Variants in RAVER2 observed in about 807,000 individuals in gnomAD.
The protein encoded by RAVER2 is ribonucleoprotein, PTB binding 2.
In RAVER2, 46 loss-of-function variants were observed where a neutral mutation model predicts 78.1. That is an observed-to-expected ratio of 0.59 (90% CI 0.46 to 0.75). RAVER2 has a LOEUF of 0.75. RAVER2 is among the 30% of genes least tolerant of loss of function. The pLI, the probability that RAVER2 is intolerant of heterozygous loss-of-function variation, is 0.00. For synonymous variants in RAVER2, 311 were observed against 313.3 expected, an observed-to-expected ratio of 0.99 and a Z score of 0.08; for missense variants, 793 against 837.5, an observed-to-expected ratio of 0.95 and a Z score of 0.66.
At chr1:64,807,066 C>G (rs1013724803) in intron 8 of RAVER2, 140 bp from the exon 9 acceptor site, 2 of 993,714 alleles carry the variant, frequency 2.0e-6, no homozygotes, top group Middle Eastern at 3.3e-4. Context: ...TTAACAACCT[C>G]TAACCTTACC....
At chr1:64,752,615 T>C (rs1299008436) in intron 1 of RAVER2, among the ~76,000 whole-genome samples, 1 of 152,156 alleles carries the variant, frequency 6.6e-6, no homozygotes, top group East Asian at 1.9e-4. Flanking sequence ...TTTTAGCAAC[T>C]GTATGATTTG....
At position 64,777,912 on chromosome 1, in the gene RAVER2, G is replaced by C. The variant is rs373653293; in HGVS notation, c.606G>C (p.Glu202Asp). The C allele has an allele frequency of 3.1e-6, 5 of 1,613,994 alleles. No homozygotes were observed. In the African/African-American group the frequency reaches 6.7e-5, roughly 22 times the overall value. ...ACTTTGCTGCAAAGGCTAGACTGGA[G>C]CTATTGGGTAGACAGTTGGGAGCAT... The change falls in exon 3 of 12, where the codon GAG (glutamate) becomes GAC (aspartate). Residue 202 changes from glutamate to aspartate, a missense_variant. Glu to Asp is a conservative substitution (Grantham distance 45). Transcript: ENST00000294428.
At chr1:64,807,594 T>TACATAAATGTAA in intron 9 of RAVER2, 120 bp downstream of exon 9, 1 of 1,087,316 alleles carries the variant, frequency 9.2e-7, no homozygotes, top group Admixed American at 3.1e-5. Flanking sequence ...AGTTTACATT[T>TACATAAATGTAA]ACTTTTCAAA....
chr1:64,783,410 T>G (rs1394308450), intron 4 of RAVER2, among the ~76,000 whole-genome samples: 1 of 152,222 alleles, frequency 6.6e-6, no homozygotes, highest in Non-Finnish European at 1.5e-5. Flanking sequence ...CCTGACTTTT[T>G]AATGATCGCC....
intron 1 of RAVER2, among the ~76,000 whole-genome samples, chr1:64,757,913 A>G (rs897582141): frequency 6.6e-6 from 1 of 152,052 alleles, no homozygotes. Context: ...GGTGTTCATT[A>G]TCCTTATTTT....
At chr1:64,769,323 A>G (rs1287864050) in intron 2 of RAVER2, among the ~76,000 whole-genome samples, 1 of 152,050 alleles carries the variant, frequency 6.6e-6, no homozygotes, top group African/African-American at 2.4e-5. Context: ...TTCAAAAAAA[A>G]TGGTAAAAAG....
chr1:64,800,943 T>A (rs1653244858), intron 5 of RAVER2, among the ~76,000 whole-genome samples: 1 of 152,066 alleles, frequency 6.6e-6, no homozygotes, highest in Non-Finnish European at 1.5e-5. Context: ...ACTAAAAAAT[T>A]TGGTTACAAT....
chr1:64,766,481 G>C (rs1652179111), intron 1 of RAVER2, among the ~76,000 whole-genome samples: 1 of 152,148 alleles, frequency 6.6e-6, no homozygotes, highest in African/African-American at 2.4e-5. Context: ...TTTCTTTGTA[G>C]GAAGCTTTGT....
intron 10 of RAVER2, 130 bp downstream of exon 10, chr1:64,812,979 T>A: frequency 1.9e-6 from 1 of 533,944 alleles, no homozygotes; most frequent in Non-Finnish European, 3.1e-6. Flanking sequence ...AATTATTCTT[T>A]AAATTGAAAG....
intron 1 of RAVER2, among the ~76,000 whole-genome samples, chr1:64,761,653 A>G (rs1193881700): frequency 6.6e-6 from 1 of 152,212 alleles, no homozygotes; most frequent in Admixed American, 6.5e-5. Flanking sequence ...ATTAGGAACA[A>G]TACAGGGATC....
chr1:64,821,587 G>T (rs1217720391), intron 11 of RAVER2, among the ~76,000 whole-genome samples: 1 of 152,140 alleles, frequency 6.6e-6, no homozygotes, highest in Admixed American at 6.5e-5. Flanking sequence ...TAGACCAATG[G>T]AACAGAATAG....
chr1:64,828,308 T>C (rs1297677063), intron 11 of RAVER2, among the ~76,000 whole-genome samples: 1 of 152,100 alleles, frequency 6.6e-6, no homozygotes, highest in Non-Finnish European at 1.5e-5. Flanking sequence ...TGGGAGGGCA[T>C]AGTCCAAGTT....
At chr1:64,832,689 T>C (rs1318738347) in exon 12 of RAVER2, 2 of 152,190 alleles carry the variant, frequency 1.3e-5, no homozygotes, top group African/African-American at 2.4e-5. Flanking sequence ...CTAGCTTCTG[T>C]TGGAAAATGA....
intron 4 of RAVER2, among the ~76,000 whole-genome samples, chr1:64,788,162 T>C (rs1361681402): frequency 6.6e-6 from 1 of 152,166 alleles, no homozygotes; most frequent in Non-Finnish European, 1.5e-5. Context: ...GTTAATCAAG[T>C]AAAGACCTTT....
intron 5 of RAVER2, among the ~76,000 whole-genome samples, chr1:64,792,956 A>G (rs1652986023): frequency 2.0e-5 from 3 of 152,192 alleles, no homozygotes; most frequent in African/African-American, 4.8e-5. Context: ...TAATCCCAGC[A>G]CTTTGGGTCA....
intron 6 of RAVER2, 61 bp from the exon 7 acceptor site, chr1:64,804,673 T>C (rs1570570969): frequency 1.3e-6 from 1 of 793,110 alleles, no homozygotes; most frequent in South Asian, 1.7e-5. Context: ...TCAAAATGAA[T>C]TGGGTTATAC....
chr1:64,768,821 T>C (rs933675379), intron 2 of RAVER2, 99 bp downstream of exon 2: 19 of 758,408 alleles, frequency 2.5e-5, no homozygotes, highest in African/African-American at 2.2e-4. Context: ...AAGCTAATCA[T>C]GGAATTTTTA....
intron 11 of RAVER2, among the ~76,000 whole-genome samples, chr1:64,823,819 T>C (rs1006352875): frequency 6.7e-6 from 1 of 150,274 alleles, no homozygotes; most frequent in Non-Finnish European, 1.5e-5. Context: ...TTTTTTTTTT[T>C]TTTTTGAGAC....
At chr1:64,795,197 C>G (rs1049851052) in intron 5 of RAVER2, among the ~76,000 whole-genome samples, 1 of 152,268 alleles carries the variant, frequency 6.6e-6, no homozygotes, top group African/African-American at 2.4e-5. Flanking sequence ...TATATCAATA[C>G]TGTCTCTATA....
Sources: gnomAD v4.1 joint callset for allele counts (sites outside exome capture counted in the v4.1 genomes callset) on GRCh38, gnomAD v4.1.1 for gene constraint, MANE v1.5 for transcripts, NCBI Gene and HGNC (gene_info 2026-07-23, HGNC 2026-07-21) for gene names.